CYS1: variants seen among roughly 807,000 people sequenced by gnomAD.
CYS1 encodes cystin 1, also known as cystin-1.
Under a neutral mutation model 9.6 loss-of-function variants are expected in CYS1, and 5 were observed. The observed-to-expected ratio is 0.52, with a 90% CI of 0.27 to 1.10. CYS1 has a LOEUF of 1.10. CYS1 is among the 50% of genes least tolerant of loss of function. CYS1 has a pLI of 0.11. For synonymous variants in CYS1, 88 were observed against 95.7 expected, an observed-to-expected ratio of 0.92 and a Z score of 0.47; for missense variants, 221 against 207.9, an observed-to-expected ratio of 1.06 and a Z score of -0.39.
intron 1 of CYS1, among the ~76,000 whole-genome samples, chr2:10,071,454 G>A (rs550227070): frequency 6.6e-6 from 1 of 152,332 alleles, no homozygotes; most frequent in East Asian, 1.9e-4. Context: ...CAGCTTCAGG[G>A]CAGCCTTAAG....
intron 1 of CYS1, among the ~76,000 whole-genome samples, chr2:10,072,224 A>T (rs1468089312): frequency 6.6e-6 from 1 of 152,134 alleles, no homozygotes; most frequent in Non-Finnish European, 1.5e-5. Context: ...CTGGGATTAC[A>T]GGCATCCGCC....
chr2:10,074,635 A>G (rs1297239855), intron 1 of CYS1, among the ~76,000 whole-genome samples: 2 of 152,212 alleles, frequency 1.3e-5, no homozygotes, highest in Non-Finnish European at 2.9e-5. Flanking sequence ...TACCTCTTCT[A>G]ATTTTTAAAA....
At chr2:10,074,073 G>A (rs1661811642) in intron 1 of CYS1, among the ~76,000 whole-genome samples, 1 of 152,138 alleles carries the variant, frequency 6.6e-6, no homozygotes, top group Non-Finnish European at 1.5e-5. Context: ...TGATGTTCAT[G>A]TTCCAGGCTT....
chr2:10,064,483 C>T (rs529964057), intron 2 of CYS1, among the ~76,000 whole-genome samples: 2 of 152,156 alleles, frequency 1.3e-5, no homozygotes, highest in South Asian at 2.1e-4. Context: ...ACTACCTCCC[C>T]CTCTGCAGCA....
In CYS1 at chr2:10,069,822, G is replaced by A. The variant is rs576005283; in HGVS notation, c.319-3866C>T. 6.6e-5 allele frequency among the ~76,000 whole-genome samples: 10 copies of A among 152,304 alleles called. No individual in the cohort carries two copies. The South Asian group carries it at 1.9e-3, about 28-fold the overall frequency. Reference sequence around the variant, plus strand: ...AAAGTTCCCATGACATAAATTGAGCGATCAGAGTAGCTGCTCCAAATATCT... The same window carrying A: ...AAAGTTCCCATGACATAAATTGAGCAATCAGAGTAGCTGCTCCAAATATCT... On this transcript the variant is annotated intron_variant, in intron 1 of 2. Coordinates refer to ENST00000381813, the MANE Select transcript of CYS1 (RefSeq NM_001037160.3).
At chr2:10,075,828 C>A (rs1048677307) in intron 1 of CYS1, among the ~76,000 whole-genome samples, 1 of 152,198 alleles carries the variant, frequency 6.6e-6, no homozygotes, top group Non-Finnish European at 1.5e-5. Flanking sequence ...CTTCCCTTGA[C>A]CTTGAGTGAC....
chr2:10,060,750 G>T (rs1240576028), intron 2 of CYS1, among the ~76,000 whole-genome samples: 1 of 152,234 alleles, frequency 6.6e-6, no homozygotes, highest in East Asian at 1.9e-4. Flanking sequence ...GCTCTGCCAC[G>T]CAGTCGCTGT....
intron 1 of CYS1, among the ~76,000 whole-genome samples, chr2:10,077,627 C>T (rs1443675610): frequency 1.3e-5 from 2 of 152,142 alleles, no homozygotes; most frequent in East Asian, 3.8e-4. Context: ...GAGTTCAAGA[C>T]CAGCCTGGCC....
At chr2:10,068,305 A>G (rs1661721813) in intron 1 of CYS1, among the ~76,000 whole-genome samples, 1 of 152,118 alleles carries the variant, frequency 6.6e-6, no homozygotes, top group South Asian at 2.1e-4. Context: ...TAAGATCTTC[A>G]TTGGTATATT....
At chr2:10,059,204 G>A (rs1661593127) in intron 2 of CYS1, among the ~76,000 whole-genome samples, 1 of 152,276 alleles carries the variant, frequency 6.6e-6, no homozygotes, top group Non-Finnish European at 1.5e-5. Context: ...CTGGTTGAGG[G>A]AGGACGGGCT....
intron 1 of CYS1, among the ~76,000 whole-genome samples, chr2:10,067,809 T>C (rs1484771756): frequency 6.6e-6 from 1 of 152,228 alleles, no homozygotes; most frequent in East Asian, 1.9e-4. Context: ...CCCATTCACA[T>C]GATCTGGGAA....
Position 10,058,758 on chromosome 2 carries a change from G to C in CYS1, c.*95C>G, listed in dbSNP as rs916245517. ...AATATCCGGGAGTGACTGCGTTTTG[G>C]AGGTGGTTCAGCTCCTGCTAGAGCT... is the stretch of plus-strand genomic sequence containing the variant. On this transcript the variant is annotated 3_prime_UTR_variant, in exon 3 of 3. Coordinates refer to ENST00000381813, the MANE Select transcript of CYS1 (RefSeq NM_001037160.3). 10 of 1,073,938 alleles carry C rather than the reference G, an allele frequency of 9.3e-6. No individual in the cohort carries two copies. In the Admixed American group the frequency reaches 1.2e-4, roughly 13 times the overall value. 66.5% of individuals were successfully genotyped at this position (1,073,938 alleles called of 1,614,324 possible). A position where few individuals can be genotyped will look rare whatever the true frequency, so the allele number is the denominator to read the frequency against.
chr2:10,066,075 C>T (rs1364729834), intron 1 of CYS1, 119 bp from the exon 2 acceptor site: 11 of 1,151,180 alleles, frequency 9.6e-6, no homozygotes, highest in South Asian at 3.8e-5. Flanking sequence ...CCATAAGCCT[C>T]GGAGCGGAAA....
intron 1 of CYS1, among the ~76,000 whole-genome samples, chr2:10,066,403 G>A (rs548421753): frequency 4.6e-5 from 7 of 152,132 alleles, no homozygotes; most frequent in Non-Finnish European, 8.8e-5. Flanking sequence ...AGGACACCCC[G>A]TATGTCACCT....
At chr2:10,064,861 G>T (rs1368629572) in intron 2 of CYS1, among the ~76,000 whole-genome samples, 1 of 151,280 alleles carries the variant, frequency 6.6e-6, no homozygotes, top group Non-Finnish European at 1.5e-5. Flanking sequence ...GGGATTACAG[G>T]TGCGCACCAC....
rs183472215 is a variant in CYS1, at chr2:10,076,154, G to T, written c.318+3752C>A. ...CAGTGAGCCGATGCACTCCAGCCTG[G>T]GCGACAGACCAAGATTCCATCTCAA... On this transcript the variant is annotated intron_variant, in intron 1 of 2. Coordinates refer to ENST00000381813, the MANE Select transcript of CYS1 (RefSeq NM_001037160.3). This position sits in a 1 kb window ranked among gnomAD's most constrained non-coding sequence, Gnocchi z 4.3. Among the ~76,000 whole-genome samples, 121 of 152,134 alleles carry T rather than the reference G, an allele frequency of 8.0e-4. No individual in the cohort carries two copies. The highest frequency in any genetic ancestry group is 1.2e-3 in the Non-Finnish European group (82 of 68,020).
intron 2 of CYS1, among the ~76,000 whole-genome samples, chr2:10,059,296 T>G (rs1661594759): frequency 6.6e-6 from 1 of 152,252 alleles, no homozygotes; most frequent in Non-Finnish European, 1.5e-5. Flanking sequence ...TCTCCGAGCC[T>G]CGGTGTTTTT....
At chr2:10,072,212 A>C (rs1181485815) in intron 1 of CYS1, among the ~76,000 whole-genome samples, 2 of 151,996 alleles carry the variant, frequency 1.3e-5, no homozygotes, top group African/African-American at 2.4e-5. Flanking sequence ...CCTCCTGAGT[A>C]GCTGGGATTA....
At chr2:10,059,030 C>G in intron 2 of CYS1, 72 bp from the exon 3 acceptor site, 1 of 1,393,992 alleles carries the variant, frequency 7.2e-7, no homozygotes, top group Non-Finnish European at 9.8e-7. Flanking sequence ...CCCTGGCCAC[C>G]ACAATGGCTC....
Sources: gnomAD v4.1 joint callset for allele counts (sites outside exome capture counted in the v4.1 genomes callset) on GRCh38, gnomAD v4.1.1 for gene constraint, Gnocchi (gnomAD v3.1) non-coding constraint, MANE v1.5 for transcripts, NCBI Gene and HGNC (gene_info 2026-07-23, HGNC 2026-07-21) for gene names.